DIP2B: variants seen among roughly 807,000 people sequenced by gnomAD.
DIP2B encodes the protein DIP2 acetate--CoA ligase B (putative).
A neutral mutation model predicts 198.0 loss-of-function variants in DIP2B; 76 were observed. The ratio of observed to expected loss-of-function variants is 0.38; its 90% CI spans 0.32 to 0.46. DIP2B has a LOEUF of 0.46. Ranked by LOEUF, DIP2B falls within the 20% of genes least tolerant of loss-of-function variation. DIP2B has a pLI of 0.99. For missense variants in DIP2B, 1,559 were observed against 1,978.4 expected, an observed-to-expected ratio of 0.79 and a Z score of 4.02; for synonymous variants, 701 against 739.1, an observed-to-expected ratio of 0.95 and a Z score of 0.84.
chr12:50,691,619 T>C (rs1176154538), intron 13 of DIP2B, among the ~76,000 whole-genome samples: 1 of 152,246 alleles, frequency 6.6e-6, no homozygotes, highest in Non-Finnish European at 1.5e-5. Context: ...TTAATTTTTT[T>C]AGTGTTTTCC....
rs1958191638 is a variant in DIP2B at position 50,528,963 on chromosome 12, G to C, written c.100+23723G>C. Among the ~76,000 whole-genome samples, 3 of 152,186 alleles carry C rather than the reference G, an allele frequency of 2.0e-5. 1 individual carries two copies. In the South Asian group the frequency reaches 6.2e-4, roughly 32 times the overall value. Reference sequence around the variant, plus strand: ...AGTGGTTTTAATGCTGTGGTGTGAGGATCAGAAGCCAGAGATTATAATGGG... The same window carrying C: ...AGTGGTTTTAATGCTGTGGTGTGAGCATCAGAAGCCAGAGATTATAATGGG... On this transcript the variant is annotated intron_variant, in intron 1 of 37. Transcript: ENST00000301180.
At chr12:50,555,678 C>T (rs982295576) in intron 1 of DIP2B, among the ~76,000 whole-genome samples, 7 of 152,018 alleles carry the variant, frequency 4.6e-5, no homozygotes, top group African/African-American at 1.7e-4. Flanking sequence ...TGTTCCAAGC[C>T]CAGTCATCTT....
intron 3 of DIP2B, among the ~76,000 whole-genome samples, chr12:50,652,337 TATATATAATAC>T (rs1938470383): frequency 2.9e-5 from 3 of 102,420 alleles, no homozygotes; most frequent in Admixed American, 1.2e-4. Context: ...ATATATATAA[TATATATAATAC>T]ACACACACAC....
At position 50,708,339 on chromosome 12, in the gene DIP2B, C is replaced by T. The variant is rs73309259; in HGVS notation, c.2535-109C>T. On this transcript the variant is annotated intron_variant, in intron 21 of 37. Coordinates refer to ENST00000301180, the MANE Select transcript of DIP2B (RefSeq NM_173602.3). ...ATGACATTTTCTTTTCTAAGCTACT[C>T]GTTTTGGGTAGCATGGTGGGGTTGT... 2.4e-3 allele frequency: 2,019 copies of T among 847,062 alleles called. 31 individuals carry two copies. The African/African-American group carries it at 0.031, about 13-fold the overall frequency. 52.5% of individuals were successfully genotyped at this position (847,062 alleles called of 1,614,324 possible).
intron 23 of DIP2B, 77 bp downstream of exon 23, chr12:50,714,673 T>C: frequency 6.4e-7 from 1 of 1,553,606 alleles, no homozygotes; most frequent in Non-Finnish European, 8.8e-7. Flanking sequence ...TGATTCTTTC[T>C]CTACAATTAG....
chr12:50,625,177 A>G (rs1937908712), intron 1 of DIP2B, among the ~76,000 whole-genome samples: 1 of 152,120 alleles, frequency 6.6e-6, no homozygotes. Flanking sequence ...TTCATCCCTC[A>G]GCTTTAAATC....
intron 1 of DIP2B, among the ~76,000 whole-genome samples, chr12:50,512,742 C>T (rs1351978567): frequency 6.6e-6 from 1 of 152,058 alleles, no homozygotes; most frequent in Non-Finnish European, 1.5e-5. Context: ...GCAGTGGCTC[C>T]CGCCTGTAAT....
intron 1 of DIP2B, among the ~76,000 whole-genome samples, chr12:50,591,380 C>T (rs1958816793): frequency 6.6e-6 from 1 of 151,396 alleles, no homozygotes; most frequent in Non-Finnish European, 1.5e-5. Context: ...AAATCCTAAT[C>T]TTTTCCCCAT....
Position 50,714,435 on chromosome 12 carries a change from C to G in DIP2B, c.2690C>G (p.Ala897Gly). Residue 897 changes from alanine to glycine, a missense_variant, in exon 23 of 38, where the codon GCT becomes GGT. Coordinates refer to ENST00000301180, the MANE Select transcript of DIP2B (RefSeq NM_173602.3). ...CATCAAGTGGGGGTTTATTGTCTTG[C>G]TCTGGTGCCAGCCAATACATTGCCA... The part of the protein sequence containing the change: ...SIHQVGVYCL[A>G]LVPANTLPKT... 6.2e-7 allele frequency: 1 copy of G among 1,614,168 alleles called. No individual in the cohort carries two copies. Among genetic ancestry groups the G allele is most frequent in the Non-Finnish European group, 8.5e-7 (1 of 1,180,022 alleles).
intron 37 of DIP2B, among the ~76,000 whole-genome samples, chr12:50,742,770 C>T (rs1485510865): frequency 1.3e-5 from 2 of 152,064 alleles, no homozygotes; most frequent in African/African-American, 4.8e-5. Context: ...GTGGCAGGCA[C>T]CCGTAATCCT....
At chr12:50,560,147 C>T (rs990564947) in intron 1 of DIP2B, among the ~76,000 whole-genome samples, 2 of 152,004 alleles carry the variant, frequency 1.3e-5, no homozygotes, top group African/African-American at 2.4e-5. Context: ...TTAATCCTAG[C>T]GCTTTGGGAG....
At chr12:50,721,653 A>G (rs183507279) in intron 26 of DIP2B, among the ~76,000 whole-genome samples, 2 of 152,340 alleles carry the variant, frequency 1.3e-5, no homozygotes, top group African/African-American at 4.8e-5. Flanking sequence ...AAAGGCACTC[A>G]GTAAATAATG....
chr12:50,510,939 C>G (rs1335758990), intron 1 of DIP2B, among the ~76,000 whole-genome samples: 1 of 131,878 alleles, frequency 7.6e-6, no homozygotes, highest in Admixed American at 9.4e-5. Context: ...GCCACTGCGC[C>G]TGGCTTTCTT....
chr12:50,659,973 C>T (rs1938616804), intron 3 of DIP2B, among the ~76,000 whole-genome samples: 1 of 151,928 alleles, frequency 6.6e-6, no homozygotes, highest in South Asian at 2.1e-4. Flanking sequence ...TCATTCTGGA[C>T]TTCATTTTCC....
At position 50,747,179 on chromosome 12, in the gene DIP2B, C is replaced by A. The variant is rs1203565693; in HGVS notation, c.*2340C>A. 2 of 152,086 alleles carry A rather than the reference C, an allele frequency of 1.3e-5. No homozygotes were observed. The highest frequency in any genetic ancestry group is 4.8e-5 in the African/African-American group (2 of 41,416). 9.4% of individuals were successfully genotyped at this position (152,086 alleles called of 1,614,324 possible). A position where few individuals can be genotyped will look rare whatever the true frequency, so the allele number is the denominator to read the frequency against. ...GTATTAAACACATCTCAATTCAAAC[C>A]ATCACCATATTTCAAGTCTTTGTAG... On this transcript the variant is annotated 3_prime_UTR_variant, in exon 38 of 38. Coordinates refer to ENST00000301180, the MANE Select transcript of DIP2B (RefSeq NM_173602.3).
chr12:50,594,394 C>G (rs908670963), intron 1 of DIP2B, among the ~76,000 whole-genome samples: 10 of 152,210 alleles, frequency 6.6e-5, no homozygotes, highest in Admixed American at 6.5e-4. Flanking sequence ...ATTCCCATAC[C>G]TATAAGAATA....
At position 50,686,651 on chromosome 12, in the gene DIP2B, C is replaced by T. The variant is rs1197391315; in HGVS notation, c.1520C>T (p.Ser507Leu). ...CCGAAAGACTGGCAGCCACACATCTCACCTGCTGGGACAGAACCGGCATAC... is the reference window on the plus strand; with the variant it reads ...CCGAAAGACTGGCAGCCACACATCTTACCTGCTGGGACAGAACCGGCATAC... ...KPPKDWQPHI[S>L]PAGTEPAYIE... The change falls in exon 12 of 38, where the codon TCA (serine) becomes TTA (leucine). Residue 507 changes from serine to leucine, a missense_variant. Coordinates refer to ENST00000301180, the MANE Select transcript of DIP2B (RefSeq NM_173602.3). The T allele has an allele frequency of 6.2e-7, 1 of 1,614,090 alleles. No individual in the cohort carries two copies. Among genetic ancestry groups the T allele is most frequent in the African/African-American group, 1.3e-5 (1 of 75,036 alleles).
chr12:50,735,699 A>AGAT (rs1485783894), intron 34 of DIP2B, among the ~76,000 whole-genome samples: 1 of 152,120 alleles, frequency 6.6e-6, no homozygotes, highest in Non-Finnish European at 1.5e-5. Flanking sequence ...TCCTGACATC[A>AGAT]GGTGATCACC....
chr12:50,647,835 C>T (rs554471734), intron 3 of DIP2B, among the ~76,000 whole-genome samples: 1 of 152,142 alleles, frequency 6.6e-6, no homozygotes, highest in African/African-American at 2.4e-5. Flanking sequence ...GAGCAGCTGG[C>T]CGGGCACAGT....
Sources: gnomAD v4.1 joint callset for allele counts (sites outside exome capture counted in the v4.1 genomes callset) on GRCh38, gnomAD v4.1.1 for gene constraint, MANE v1.5 for transcripts, NCBI Gene and HGNC (gene_info 2026-07-23, HGNC 2026-07-21) for gene names.